The following SMAP1 variants were observed in gnomAD, a reference collection of about 807,000 sequenced individuals.
The protein encoded by SMAP1 is small ArfGAP 1, also known as stromal membrane-associated protein 1.
Under a neutral mutation model 58.5 loss-of-function variants are expected in SMAP1, and 24 were observed. The observed-to-expected ratio is 0.41, with a 90% CI of 0.30 to 0.58. SMAP1 has a LOEUF of 0.58. SMAP1 is among the 20% of genes least tolerant of loss of function. The pLI is 0.29. For missense variants in SMAP1, 563 were observed against 566.3 expected, an observed-to-expected ratio of 0.99 and a Z score of 0.06; for synonymous variants, 216 against 196.6, an observed-to-expected ratio of 1.10 and a Z score of -0.82.
At chr6:70,774,434 A>G (rs1038210255) in intron 4 of SMAP1, among the ~76,000 whole-genome samples, 6 of 152,220 alleles carry the variant, frequency 3.9e-5, no homozygotes, top group African/African-American at 1.4e-4. Flanking sequence ...TTTAGATACT[A>G]TGGAAATAGA....
At chr6:70,688,137 T>G (rs771855683) in intron 1 of SMAP1, among the ~76,000 whole-genome samples, 1 of 152,222 alleles carries the variant, frequency 6.6e-6, no homozygotes, top group Non-Finnish European at 1.5e-5. Flanking sequence ...CTGTTAATAG[T>G]TCTTTTCTTT....
chr6:70,807,208 G>A (rs951938067), intron 6 of SMAP1, among the ~76,000 whole-genome samples: 2 of 152,084 alleles, frequency 1.3e-5, no homozygotes, highest in Non-Finnish European at 1.5e-5. Flanking sequence ...TGTTTAAATT[G>A]TATTTTGTTT....
intron 2 of SMAP1, among the ~76,000 whole-genome samples, chr6:70,746,430 CAT>C (rs1240002802): frequency 6.6e-6 from 1 of 152,138 alleles, no homozygotes; most frequent in African/African-American, 2.4e-5. Context: ...TTGAGATAAT[CAT>C]GTGGTTTTTG....
intron 6 of SMAP1, among the ~76,000 whole-genome samples, chr6:70,806,120 G>C (rs773995031): frequency 6.6e-6 from 1 of 152,238 alleles, no homozygotes; most frequent in East Asian, 1.9e-4. Context: ...CTGAGGTGGA[G>C]TCTATAGAGG....
chr6:70,857,405 A>C (rs571114740), intron 9 of SMAP1: 1 of 169,352 alleles, frequency 5.9e-6, no homozygotes, highest in African/African-American at 2.4e-5. Flanking sequence ...AAAAAAATCT[A>C]TGAATTTTTT....
At chr6:70,717,957 G>A (rs1768343742) in intron 1 of SMAP1, among the ~76,000 whole-genome samples, 1 of 152,122 alleles carries the variant, frequency 6.6e-6, no homozygotes, top group Admixed American at 6.6e-5. Context: ...GAAAAAGTTA[G>A]ATGAATTATC....
At chr6:70,821,820 A>G (rs1229395453) in intron 6 of SMAP1, among the ~76,000 whole-genome samples, 3 of 152,172 alleles carry the variant, frequency 2.0e-5, no homozygotes, top group African/African-American at 2.4e-5. Flanking sequence ...CTTATTATCA[A>G]AGTAACTGTG....
chr6:70,766,972 C>T (rs1767016856), intron 3 of SMAP1, among the ~76,000 whole-genome samples: 1 of 151,998 alleles, frequency 6.6e-6, no homozygotes, highest in Admixed American at 6.6e-5. Context: ...TATGGCTAGC[C>T]AGTTTTCCCA....
chr6:70,792,213 T>C lies in SMAP1; in HGVS notation c.495+444T>C, dbSNP rs150148308. Among the ~76,000 whole-genome samples, 557 of 152,238 alleles carry C rather than the reference T, an allele frequency of 3.7e-3. 2 individuals carry two copies. Among genetic ancestry groups the C allele is most frequent in the Middle Eastern group, 0.014 (4 of 294 alleles). On this transcript the variant is annotated intron_variant, in intron 5 of 10. Transcript: ENST00000370455. Reference sequence around the variant, plus strand: ...TGAGTTCAGAATCATCAATGACAACTGTTAGAATGCATTTTGGGTGGAAGT... The same window carrying C: ...TGAGTTCAGAATCATCAATGACAACCGTTAGAATGCATTTTGGGTGGAAGT...
At chr6:70,769,154 G>T (rs1767148618) in intron 3 of SMAP1, among the ~76,000 whole-genome samples, 1 of 152,148 alleles carries the variant, frequency 6.6e-6, no homozygotes, top group South Asian at 2.1e-4. Context: ...ATTTGCTGAG[G>T]AGAGCTTTAC....
chr6:70,744,929 A>G (rs1308472808), intron 2 of SMAP1, among the ~76,000 whole-genome samples: 4 of 152,206 alleles, frequency 2.6e-5, no homozygotes, highest in African/African-American at 7.2e-5. Flanking sequence ...ACCAGTGATA[A>G]TGAGCATTTT....
At position 70,861,747 on chromosome 6, in the gene SMAP1, A is replaced by T. The variant is rs1243231584; in HGVS notation, c.*1413A>T. On this transcript the variant is annotated 3_prime_UTR_variant, in exon 11 of 11. Transcript: ENST00000370455. ...TCTCTGTCCGAGTGTGCCACACGAG[A>T]ACCTGAAGGGGAAGGAAATAGCTTG... is the stretch of plus-strand genomic sequence containing the variant. The T allele has an allele frequency of 6.8e-6, 11 of 1,613,994 alleles. No homozygotes were observed. In the South Asian group the frequency reaches 1.1e-4, roughly 16 times the overall value.
chr6:70,822,889 T>G (rs1327586423), intron 6 of SMAP1, among the ~76,000 whole-genome samples: 1 of 152,040 alleles, frequency 6.6e-6, no homozygotes, highest in Non-Finnish European at 1.5e-5. Flanking sequence ...TGATGTATCC[T>G]CAAGCACAGA....
intron 1 of SMAP1, among the ~76,000 whole-genome samples, chr6:70,715,721 C>T (rs1478008740): frequency 7.2e-6 from 1 of 139,712 alleles, no homozygotes; most frequent in Non-Finnish European, 1.7e-5. Flanking sequence ...ATTTATTGTG[C>T]ACTTTATTTC....
At chr6:70,841,303 T>C (rs554253143) in intron 7 of SMAP1, among the ~76,000 whole-genome samples, 2 of 152,176 alleles carry the variant, frequency 1.3e-5, no homozygotes, top group African/African-American at 2.4e-5. Context: ...GTGTACCACA[T>C]GCGCACTGCA....
At chr6:70,795,477 C>A (rs967897898) in intron 5 of SMAP1, among the ~76,000 whole-genome samples, 1 of 152,166 alleles carries the variant, frequency 6.6e-6, no homozygotes, top group Non-Finnish European at 1.5e-5. Flanking sequence ...GTTCATAAAA[C>A]GATACATCTT....
At chr6:70,820,722 A>T (rs1408331044) in intron 6 of SMAP1, among the ~76,000 whole-genome samples, 1 of 151,890 alleles carries the variant, frequency 6.6e-6, no homozygotes. Flanking sequence ...AAAAAAAAAG[A>T]AAACTTTATT....
chr6:70,680,864 A>G (rs1766678625), intron 1 of SMAP1, among the ~76,000 whole-genome samples: 1 of 151,676 alleles, frequency 6.6e-6, no homozygotes, highest in Non-Finnish European at 1.5e-5. Flanking sequence ...GATTACAGGC[A>G]CGTGCCACCA....
chr6:70,720,905 G>A (rs1274531141), intron 1 of SMAP1, among the ~76,000 whole-genome samples: 1 of 152,198 alleles, frequency 6.6e-6, no homozygotes, highest in African/African-American at 2.4e-5. Flanking sequence ...GAAGGTCTCT[G>A]ACATGGCCTG....
Sources: gnomAD v4.1 joint callset for allele counts (sites outside exome capture counted in the v4.1 genomes callset) on GRCh38, gnomAD v4.1.1 for gene constraint, MANE v1.5 for transcripts, NCBI Gene and HGNC (gene_info 2026-07-23, HGNC 2026-07-21) for gene names.